The following MROH9 variants were observed in gnomAD, a reference collection of about 807,000 sequenced individuals.
MROH9 encodes maestro heat-like repeat-containing protein family member 9.
A neutral mutation model predicts 98.2 loss-of-function variants in MROH9; 92 were observed. The ratio of observed to expected loss-of-function variants is 0.94; its 90% CI spans 0.79 to 1.11. The LOEUF (loss-of-function observed/expected upper bound fraction) is 1.11, where lower values mean the gene tolerates loss of function less well. Ranked by LOEUF, MROH9 falls within the 50% of genes most tolerant of loss-of-function variation. The probability of loss-of-function intolerance (pLI) is 0.00; values close to 1 mark genes in which losing one functional copy is unlikely to be tolerated. For missense variants in MROH9, 1,057 were observed against 1,014.8 expected, an observed-to-expected ratio of 1.04 and a Z score of -0.57; for synonymous variants, 397 against 368.9, an observed-to-expected ratio of 1.08 and a Z score of -0.87.
intron 16 of MROH9, among the ~76,000 whole-genome samples, chr1:171,015,434 G>C (rs1652294015): frequency 6.6e-6 from 1 of 152,034 alleles, no homozygotes; most frequent in Admixed American, 6.6e-5. Flanking sequence ...AGACACAAAT[G>C]GCCTCTGGCA....
intron 14 of MROH9, 88 bp downstream of exon 14, chr1:170,996,732 G>T: frequency 7.8e-7 from 1 of 1,274,806 alleles, no homozygotes; most frequent in Non-Finnish European, 1.1e-6. Context: ...AACAAGATAG[G>T]CATCTATTCC....
At position 171,064,317 on chromosome 1, in the gene MROH9, G is replaced by A. The variant is rs1654105020; in HGVS notation, c.2563G>A (p.Val855Ile). ...AGACAGTCCTACAGACAGTAAAGAT[G>A]TCAAGAATGATAAGGCCTTATAGAA... ...QIDSPTDSKD[V>I]KNDKAL The change falls in exon 22 of 22, where the codon GTC (valine) becomes ATC (isoleucine). Residue 855 changes from valine (V) to isoleucine (I), a missense_variant. Transcript: ENST00000367759. 1 of 1,540,858 alleles carries A rather than the reference G, an allele frequency of 6.5e-7. No homozygotes were observed. Among genetic ancestry groups the A allele is most frequent in the Admixed American group, 2.1e-5 (1 of 48,038 alleles).
intron 2 of MROH9, among the ~76,000 whole-genome samples, chr1:170,945,839 T>C (rs1649311604): frequency 6.6e-6 from 1 of 152,060 alleles, no homozygotes; most frequent in African/African-American, 2.4e-5. Flanking sequence ...AAACTAGTGA[T>C]GAATTCATGA....
intron 20 of MROH9, among the ~76,000 whole-genome samples, chr1:171,058,282 AG>A (rs1258108939): frequency 6.6e-6 from 1 of 151,796 alleles, no homozygotes; most frequent in Non-Finnish European, 1.5e-5. Context: ...ACAGCTAACA[AG>A]GGATGTAAAG....
At chr1:171,049,907 C>G (rs1255622287) in intron 20 of MROH9, among the ~76,000 whole-genome samples, 1 of 152,138 alleles carries the variant, frequency 6.6e-6, no homozygotes, top group Admixed American at 6.5e-5. Context: ...GTCTCAAACT[C>G]TTGGGCTCAA....
intron 20 of MROH9, among the ~76,000 whole-genome samples, chr1:171,032,139 T>A (rs550998298): frequency 6.6e-6 from 1 of 152,348 alleles, no homozygotes; most frequent in African/African-American, 2.4e-5. Context: ...AGATCATTTA[T>A]GTTTCTCTCT....
intron 16 of MROH9, 54 bp downstream of exon 16, chr1:171,014,308 T>G: frequency 6.7e-7 from 1 of 1,492,004 alleles, no homozygotes. Flanking sequence ...AATCTGAGAT[T>G]TTGATGTCAC....
At position 171,024,479 on chromosome 1, in the gene MROH9, G is replaced by C. The variant is rs1652639819; in HGVS notation, c.1993G>C (p.Asp665His). Residue 665 changes from aspartate to histidine, a missense_variant, in exon 18 of 22, where the codon GAT becomes CAT. Transcript: ENST00000367759. ...DMRQYTWMVN[D>H]VVLEGLVPLI... Reference sequence around the variant, plus strand: ...GAGACAGTACACATGGATGGTGAATGATGTGGTTCTAGAAGGCTTGGTGCC... The same window carrying C: ...GAGACAGTACACATGGATGGTGAATCATGTGGTTCTAGAAGGCTTGGTGCC... 1 of 1,550,000 alleles carries C rather than the reference G, an allele frequency of 6.5e-7. No homozygotes were observed. Among genetic ancestry groups the C allele is most frequent in the Admixed American group, 2.0e-5 (1 of 50,648 alleles).
At chr1:171,056,711 G>C (rs1183969706) in intron 20 of MROH9, among the ~76,000 whole-genome samples, 1 of 152,144 alleles carries the variant, frequency 6.6e-6, no homozygotes, top group African/African-American at 2.4e-5. Context: ...CTACACAGGA[G>C]CGATCCAACT....
chr1:170,974,882 T>G (rs1650621479), intron 8 of MROH9, among the ~76,000 whole-genome samples: 2 of 152,004 alleles, frequency 1.3e-5, no homozygotes, highest in South Asian at 4.1e-4. Context: ...TAAATGTGTT[T>G]TAAAATTCTT....
intron 21 of MROH9, among the ~76,000 whole-genome samples, 182 bp from the exon 22 acceptor site, chr1:171,063,917 T>C (rs942010453): frequency 6.6e-6 from 1 of 152,114 alleles, no homozygotes; most frequent in Non-Finnish European, 1.5e-5. Flanking sequence ...GGGGTTTTAG[T>C]AGGGATAGAT....
chr1:171,025,501 T>G (rs1001825824), intron 20 of MROH9, 81 bp downstream of exon 20: 2 of 911,570 alleles, frequency 2.2e-6, no homozygotes, highest in African/African-American at 3.4e-5. Flanking sequence ...TTTCTTACAT[T>G]TTTTTTAATG....
chr1:170,968,757 TA>T lies in MROH9; in HGVS notation c.481-2986del, dbSNP rs530483249. On this transcript the variant is annotated intron_variant, in intron 7 of 21. Coordinates refer to ENST00000367759, the MANE Select transcript of MROH9 (RefSeq NM_001163629.2). ...AGTGAGACCCCATCTCCAAAAAAAG[TA>T]AAAATAAAAATAATTTTAAAAATAA... Among the ~76,000 whole-genome samples, 524 of 151,660 alleles carry T rather than the reference TA, an allele frequency of 3.5e-3. 1 individual carries two copies. The highest frequency in any genetic ancestry group is 0.012 in the African/African-American group (503 of 41,324).
chr1:171,013,726 T>A (rs1320126437), intron 15 of MROH9, among the ~76,000 whole-genome samples: 1 of 152,146 alleles, frequency 6.6e-6, no homozygotes, highest in African/African-American at 2.4e-5. Context: ...TATTTACTAG[T>A]GCAGTGCCTG....
rs1411755562 is a variant in MROH9 at position 171,004,687 on chromosome 1, T to C, written c.1596+6413T>C. Among the ~76,000 whole-genome samples the C allele has an allele frequency of 2.0e-5, 3 of 152,132 alleles. No homozygotes were observed. In the East Asian group the frequency reaches 5.8e-4, roughly 29 times the overall value. ...CAGGATTGCTGGTTTGTCCTTGCAA[T>C]CAATCTGGAGCTAAAATTCACAATG... On this transcript the variant is annotated intron_variant, in intron 15 of 21. Coordinates refer to ENST00000367759, the MANE Select transcript of MROH9 (RefSeq NM_001163629.2).
chr1:170,953,403 C>G (rs1649631147), intron 3 of MROH9, among the ~76,000 whole-genome samples: 1 of 146,312 alleles, frequency 6.8e-6, no homozygotes, highest in Non-Finnish European at 1.5e-5. Flanking sequence ...CGTGTTGCAT[C>G]TAAAAACAAA....
chr1:171,037,915 T>G (rs759216626), intron 20 of MROH9, among the ~76,000 whole-genome samples: 1 of 152,002 alleles, frequency 6.6e-6, no homozygotes, highest in Admixed American at 6.6e-5. Context: ...CCCATTTCAT[T>G]TCTTACACGA....
chr1:171,012,888 T>A (rs1056105909), intron 15 of MROH9, among the ~76,000 whole-genome samples: 1 of 152,158 alleles, frequency 6.6e-6, no homozygotes, highest in Non-Finnish European at 1.5e-5. Context: ...GATACTCATG[T>A]CTTCACTCTG....
chr1:171,048,020 C>T (rs949440343), intron 20 of MROH9, among the ~76,000 whole-genome samples: 1 of 152,180 alleles, frequency 6.6e-6, no homozygotes, highest in South Asian at 2.1e-4. Context: ...CTCTCTGTCT[C>T]TCTGTTGTGA....
Sources: gnomAD v4.1 joint callset for allele counts (sites outside exome capture counted in the v4.1 genomes callset) on GRCh38, gnomAD v4.1.1 for gene constraint, MANE v1.5 for transcripts, NCBI Gene and HGNC (gene_info 2026-07-23, HGNC 2026-07-21) for gene names.